Variants in NCR1 observed in about 807,000 individuals in gnomAD.
NCR1 encodes natural cytotoxicity triggering receptor 1.
Under a neutral mutation model 32.5 loss-of-function variants are expected in NCR1, and 30 were observed. That is an observed-to-expected ratio of 0.92 (90% CI 0.69 to 1.25). The LOEUF (loss-of-function observed/expected upper bound fraction) is 1.25, where lower values mean the gene tolerates loss of function less well. Among genes scored for constraint, NCR1 ranks in the 50% most tolerant of loss-of-function variants. The probability of loss-of-function intolerance (pLI) is 0.00; values close to 1 mark genes in which losing one functional copy is unlikely to be tolerated. For missense variants in NCR1, 369 were observed against 380.7 expected, an observed-to-expected ratio of 0.97 and a Z score of 0.26; for synonymous variants, 169 against 143.4, an observed-to-expected ratio of 1.18 and a Z score of -1.28.
At chr19:54,912,575 G>A in intron 6 of NCR1, 115 bp from the exon 7 acceptor site, 2 of 862,230 alleles carry the variant, frequency 2.3e-6, no homozygotes, top group Non-Finnish European at 3.4e-6. Flanking sequence ...CTCCAGCCTG[G>A]GCGACAAGAC....
downstream of NCR1, among the ~76,000 whole-genome samples, chr19:54,918,911 G>A (rs1026739415): frequency 5.3e-5 from 8 of 151,756 alleles, no homozygotes; most frequent in Admixed American, 4.6e-4. Flanking sequence ...TTGAACCCAG[G>A]AGGCGGAGGT....
Position 54,906,191 on chromosome 19 carries a change from T to C in NCR1, c.4T>C (p.Ser2Pro). The C allele has an allele frequency of 6.2e-7, 1 of 1,614,186 alleles. No homozygotes were observed. The highest frequency in any genetic ancestry group is 1.3e-5 in the African/African-American group (1 of 75,050). ...CTAGGCCGGCAGAATCTGAGCGATG[T>C]CTTCCACACTCCCTGCCCTGCTCTG... M[S>P]STLPALLCVG... Residue 2 changes from serine to proline, a missense_variant, in exon 1 of 7, where the codon TCT becomes CCT. Ser to Pro is a moderately conservative substitution (Grantham distance 74). Transcript: ENST00000291890.
At chr19:54,911,821 G>A (rs2067990356) in intron 5 of NCR1, among the ~76,000 whole-genome samples, 2 of 150,994 alleles carry the variant, frequency 1.3e-5, no homozygotes, top group South Asian at 4.2e-4. Context: ...GCAAAACCCC[G>A]TTTCTACTAA....
the NCR1 span, among the ~76,000 whole-genome samples, chr19:54,937,111 G>A: frequency 1.4e-4 from 21 of 151,668 alleles, no homozygotes; most frequent in African/African-American, 4.6e-4. Context: ...CCAGCTACTC[G>A]GGAGGCTGAG....
At chr19:54,919,530 AG>A (rs1273432242), downstream of NCR1, among the ~76,000 whole-genome samples, 2 of 152,142 alleles carry the variant, frequency 1.3e-5, no homozygotes, top group Non-Finnish European at 2.9e-5. Context: ...ACTGCTATCT[AG>A]AAGGCAGAGC....
chr19:54,905,215 G>A (rs1172102697), upstream of NCR1, among the ~76,000 whole-genome samples: 9 of 152,170 alleles, frequency 5.9e-5, no homozygotes, highest in African/African-American at 2.4e-5. Flanking sequence ...CAGTGTATAA[G>A]TGTCCCCTTT....
chr19:54,912,673 T>A lies in NCR1; in HGVS notation c.734-17T>A. ...CTTACATCCCTGTCAGCGATCACCC[T>A]GTTCTCCTGCCTACAGACCATGCCC... On this transcript the variant is annotated splice_polypyrimidine_tract_variant and intron_variant, in intron 6 of 6. Coordinates refer to ENST00000291890, the MANE Select transcript of NCR1 (RefSeq NM_004829.7). 6.6e-7 allele frequency: 1 copy of A among 1,511,980 alleles called. No individual in the cohort carries two copies. Among genetic ancestry groups the A allele is most frequent in the Non-Finnish European group, 9.0e-7 (1 of 1,109,342 alleles). 93.7% of individuals were successfully genotyped at this position (1,511,980 alleles called of 1,614,324 possible). A position where few individuals can be genotyped will look rare whatever the true frequency, so the allele number is the denominator to read the frequency against.
At chr19:54,926,518 G>A in the NCR1 span, among the ~76,000 whole-genome samples, 84,318 of 151,876 alleles carry the variant, frequency 0.56, 23,650 homozygotes, top group East Asian at 0.72. Flanking sequence ...AGTGGCTCAC[G>A]CCTGTAATCC....
intron 6 of NCR1, 51 bp from the exon 7 acceptor site, chr19:54,912,622 AAAAAAAAAAAAAAAAAG>A: frequency 3.0e-6 from 2 of 665,270 alleles, no homozygotes; most frequent in Non-Finnish European, 2.1e-6. Flanking sequence ...AAAAAAAAAA[AAAAAAAAAAAAAAAAAG>A]AGGGTGTCCT....
the NCR1 span, among the ~76,000 whole-genome samples, chr19:54,931,400 C>T: frequency 1.3e-5 from 2 of 151,928 alleles, no homozygotes; most frequent in African/African-American, 2.4e-5. Context: ...TTACTAAATA[C>T]AAAAATTAGC....
At chr19:54,908,028 T>C (rs1458414125) in intron 3 of NCR1, among the ~76,000 whole-genome samples, 1 of 152,122 alleles carries the variant, frequency 6.6e-6, no homozygotes, top group East Asian at 1.9e-4. Flanking sequence ...CTTGGGTGTT[T>C]CTCGGAGAGG....
downstream of NCR1, among the ~76,000 whole-genome samples, chr19:54,919,777 C>G: frequency 6.9e-6 from 1 of 144,370 alleles, no homozygotes; most frequent in East Asian, 2.3e-4. Flanking sequence ...TTAATTGACA[C>G]CTTTTGCTAC....
the NCR1 span, chr19:54,933,825 T>C: frequency 8.7e-7 from 1 of 1,151,838 alleles, no homozygotes; most frequent in Non-Finnish European, 1.3e-6. Context: ...GCTAGGGTAC[T>C]CAGCTTCAGC....
chr19:54,923,527 A>T, the NCR1 span: 2 of 621,494 alleles, frequency 3.2e-6, no homozygotes, highest in Non-Finnish European at 5.7e-6. Flanking sequence ...GAGTGCTCTA[A>T]CTTTATTATC....
At chr19:54,925,533 C>G in the NCR1 span, among the ~76,000 whole-genome samples, 1 of 152,138 alleles carries the variant, frequency 6.6e-6, no homozygotes, top group Non-Finnish European at 1.5e-5. Flanking sequence ...GGGCTGTGCA[C>G]AGTGGCTCAC....
At chr19:54,925,411 A>T in the NCR1 span, among the ~76,000 whole-genome samples, 759 of 152,330 alleles carry the variant, frequency 5.0e-3, 2 homozygotes, top group African/African-American at 0.017. Context: ...CTTGAGCAGG[A>T]TATAAATAAC....
chr19:54,938,057 G>T, the NCR1 span: 1 of 1,613,526 alleles, frequency 6.2e-7, no homozygotes, highest in African/African-American at 1.3e-5. Context: ...ACTTTCTGCA[G>T]ATGACAGGTG....
chr19:54,909,577 CCT>C, intron 4 of NCR1, 54 bp downstream of exon 4: 1 of 1,555,024 alleles, frequency 6.4e-7, no homozygotes, highest in Non-Finnish European at 8.7e-7. Flanking sequence ...TACCTGGAGC[CCT>C]GAGGGATCCC....
intron 4 of NCR1, 65 bp downstream of exon 4, chr19:54,909,588 C>A: frequency 6.5e-7 from 1 of 1,540,304 alleles, no homozygotes. Context: ...CTGAGGGATC[C>A]CCAGAGAGTG....
Sources: gnomAD v4.1 joint callset for allele counts (sites outside exome capture counted in the v4.1 genomes callset) on GRCh38, gnomAD v4.1.1 for gene constraint, MANE v1.5 for transcripts, NCBI Gene and HGNC (gene_info 2026-07-23, HGNC 2026-07-21) for gene names.